Variants in SETD1A observed in about 807,000 individuals in gnomAD.
SETD1A encodes SET domain containing 1A, histone lysine methyltransferase.
In SETD1A, 29 loss-of-function variants were observed where a neutral mutation model predicts 149.9. The observed-to-expected ratio is 0.19, with a 90% CI of 0.14 to 0.26. The LOEUF (loss-of-function observed/expected upper bound fraction) is 0.26, where lower values mean the gene tolerates loss of function less well. Ranked by LOEUF, SETD1A falls within the 10% of genes least tolerant of loss-of-function variation. SETD1A has a pLI of 1.00. For synonymous variants in SETD1A, 1,141 were observed against 968.5 expected (o/e 1.18, Z -3.31); for missense variants, 2,109 against 2,353.1 (o/e 0.90, Z 2.15).
At position 30,983,215 on chromosome 16, in the gene SETD1A, G is replaced by A. The variant is rs1020617409; in HGVS notation, c.4813-420G>A. ...GGCCTGCCATTTGCATTAGCCGGTG[G>A]CAGCCAACAGGTGCCTGTTTTGGAG... is the stretch of plus-strand genomic sequence containing the variant. On this transcript the variant is annotated intron_variant, in intron 17 of 18. Coordinates refer to ENST00000262519, the MANE Select transcript of SETD1A (RefSeq NM_014712.3). The surrounding 1 kb of genome is among the most constrained non-coding windows in gnomAD (Gnocchi z 6.8). 6.6e-6 allele frequency among the ~76,000 whole-genome samples: 1 copy of A among 152,192 alleles called. No homozygotes were observed. Among genetic ancestry groups the A allele is most frequent in the Admixed American group, 6.5e-5 (1 of 15,284 alleles).
chr16:30,965,151 C>T lies in SETD1A; in HGVS notation c.1409C>T (p.Ser470Phe). The change falls in exon 7 of 19, where the codon TCC becomes TTC. Residue 470 changes from serine (S) to phenylalanine (F), a missense_variant. Physicochemically the swap from Ser to Phe is radical, Grantham distance 155 (BLOSUM62 -2). Transcript: ENST00000262519. ...CCAGCCTCCCCTGCCCGCTCTGGCT[C>T]CCCAGCCCCGGAGACCACCAATGAG... The part of the protein sequence containing the change: ...PRPASPARSG[S>F]PAPETTNESV... The T allele has an allele frequency of 6.2e-7, 1 of 1,613,348 alleles. No homozygotes were observed. Among genetic ancestry groups the T allele is most frequent in the Non-Finnish European group, 8.5e-7 (1 of 1,179,972 alleles).
At chr16:30,970,571 T>TG (rs1443947591) in intron 12 of SETD1A, among the ~76,000 whole-genome samples, 1 of 152,136 alleles carries the variant, frequency 6.6e-6, no homozygotes, top group African/African-American at 2.4e-5. Context: ...CGCAGCCTCT[T>TG]GCAGCAGTCT....
chr16:30,963,860 T>C (rs1015823900), intron 5 of SETD1A, among the ~76,000 whole-genome samples: 3 of 151,950 alleles, frequency 2.0e-5, no homozygotes, highest in Admixed American at 1.3e-4. Context: ...GGCATGGTGG[T>C]GGGCGCCTGT....
chr16:30,977,622 G>A (rs72799368), intron 13 of SETD1A, among the ~76,000 whole-genome samples: 24,180 of 152,262 alleles, frequency 0.16, 2,452 homozygotes, highest in Non-Finnish European at 0.23. Context: ...CTGCCCCAGC[G>A]TGGTGGGGAG....
In SETD1A at chr16:30,959,178, A is replaced by G. The variant is rs2056011657; in HGVS notation, c.238A>G (p.Lys80Glu). ...CAGAGACTTTTCCCTCCCAGTCCCT[A>G]AGTTTAAGGTAAGTGTCTGCTGGGC... ...KNRDFSLPVP[K>E]FKLDEFYIGQ... is the part of the protein sequence containing the mutation. Residue 80 changes from lysine to glutamate, a missense_variant, in exon 3 of 19, where the codon AAG (lysine) becomes GAG (glutamate). Physicochemically the swap from Lys to Glu is moderately conservative, Grantham distance 56 (BLOSUM62 1). Transcript: ENST00000262519. 1 of 1,608,036 alleles carries G rather than the reference A, an allele frequency of 6.2e-7. No homozygotes were observed. Among genetic ancestry groups the G allele is most frequent in the Non-Finnish European group, 8.5e-7 (1 of 1,174,648 alleles).
chr16:30,974,764 T>G (rs948363577), intron 13 of SETD1A, among the ~76,000 whole-genome samples: 1 of 151,934 alleles, frequency 6.6e-6, no homozygotes, highest in Admixed American at 6.6e-5. Context: ...CCCAGCACTT[T>G]GGGAGGCTGA....
At position 30,979,338 on chromosome 16, in the gene SETD1A, C is replaced by T. The variant is rs373729550; in HGVS notation, c.3552C>T (p.Ala1184=). ...EVVPAPEPPP[A]TPPQAKFPGP... ...TGCCAGCCCCGGAGCCCCCTCCAGC[C>T]ACACCGCCGCAGGCCAAGTTTCCCG... Residue 1184 remains alanine, a synonymous_variant, in exon 14 of 19, where the codon GCC becomes GCT. Transcript: ENST00000262519. The T allele has an allele frequency of 1.2e-6, 2 of 1,613,114 alleles. No homozygotes were observed. The highest frequency in any genetic ancestry group is 3.3e-5 in the Admixed American group (2 of 59,974).
rs766285805 is a variant in SETD1A at position 30,966,198 on chromosome 16, C to T, written c.2317C>T (p.Pro773Ser). The T allele has an allele frequency of 1.2e-6, 2 of 1,612,930 alleles. No homozygotes were observed. Among genetic ancestry groups the T allele is most frequent in the Non-Finnish European group, 1.7e-6 (2 of 1,179,670 alleles). Residue 773 changes from proline (P) to serine (S), a missense_variant, in exon 8 of 19, where the codon CCC becomes TCC. Coordinates refer to ENST00000262519, the MANE Select transcript of SETD1A (RefSeq NM_014712.3). ...SVSGEEARLPPREEAELAEGK... is the reference protein window; with the variant it reads ...SVSGEEARLPSREEAELAEGK... ...CTCGGGAGAGGAGGCCCGGCTGCCA[C>T]CCAGGGAAGAAGCAGAGCTGGCAGA...
At position 30,984,146 on chromosome 16, in the gene SETD1A, G is replaced by T; in HGVS notation, c.*123G>T. 1 of 976,518 alleles carries T rather than the reference G, an allele frequency of 1.0e-6. No homozygotes were observed. Among genetic ancestry groups the T allele is most frequent in the Non-Finnish European group, 1.5e-6 (1 of 683,800 alleles). 60.5% of individuals were successfully genotyped at this position (976,518 alleles called of 1,614,324 possible). On this transcript the variant is annotated 3_prime_UTR_variant, in exon 19 of 19. Transcript: ENST00000262519. ...TGCCCCCATCTCCAAGCGTGGGGTTGGGGGCCCCAAGCCCAGCGAGGGAGC... is the reference window on the plus strand; with the variant it reads ...TGCCCCCATCTCCAAGCGTGGGGTTTGGGGCCCCAAGCCCAGCGAGGGAGC...
At position 30,965,702 on chromosome 16, in the gene SETD1A, TC is replaced by T; in HGVS notation, c.1826del (p.Pro609LeufsTer52). The T allele has an allele frequency of 4.5e-6, 2 of 444,078 alleles. No homozygotes were observed. Among genetic ancestry groups the T allele is most frequent in the Non-Finnish European group, 6.2e-6 (2 of 323,174 alleles). 27.5% of individuals were successfully genotyped at this position (444,078 alleles called of 1,614,324 possible). On this transcript the variant is annotated frameshift_variant, in exon 8 of 19. Transcript: ENST00000262519. LOFTEE classifies it high-confidence loss of function. The stretch of plus-strand genomic sequence containing the variant: ...CGCCCCCTCAGCAGCCTCCGCCACC[TC>T]CCCCTCCCCCGCCGCCTCCTCCTCC... ...PTPPQQPPPP[P>X]PPPPPPPPYL...
At chr16:30,964,552 G>T in intron 6 of SETD1A, 60 bp from the exon 7 acceptor site, 1 of 1,572,180 alleles carries the variant, frequency 6.4e-7, no homozygotes, top group Non-Finnish European at 8.6e-7. Flanking sequence ...CTGGGACCCA[G>T]TACGCTGTGG....
At position 30,980,296 on chromosome 16, in the gene SETD1A, A is replaced by G; in HGVS notation, c.4408+102A>G. 1.4e-6 allele frequency: 2 copies of G among 1,458,610 alleles called. No homozygotes were observed. Among genetic ancestry groups the G allele is most frequent in the Non-Finnish European group, 1.8e-6 (2 of 1,097,482 alleles). 90.4% of individuals were successfully genotyped at this position (1,458,610 alleles called of 1,614,324 possible). On this transcript the variant is annotated intron_variant, in intron 14 of 18. Transcript: ENST00000262519. The surrounding 1 kb of genome is among the most constrained non-coding windows in gnomAD (Gnocchi z 7.7). ...CTCTGTCTGCCTCCCCTCTGGCTCC[A>G]AGCCATCTTTTCTCTCCTCCTGGTG... is the stretch of plus-strand genomic sequence containing the variant.
Position 30,980,703 on chromosome 16 carries a change from G to C in SETD1A, c.4582-36G>C. The C allele has an allele frequency of 6.2e-7, 1 of 1,611,076 alleles. No individual in the cohort carries two copies. Among genetic ancestry groups the C allele is most frequent in the East Asian group, 2.2e-5 (1 of 44,874 alleles). On this transcript the variant is annotated intron_variant, in intron 15 of 18. Coordinates refer to ENST00000262519, the MANE Select transcript of SETD1A (RefSeq NM_014712.3). This position sits in a 1 kb window ranked among gnomAD's most constrained non-coding sequence, Gnocchi z 7.7. ...GCGTCCTCCTGCCACTCACTTCCCT[G>C]CCCTGCTCACCTCCTCCCTGCCGTG...
At chr16:30,962,344 C>T (rs1160161033) in intron 4 of SETD1A, among the ~76,000 whole-genome samples, 2 of 152,198 alleles carry the variant, frequency 1.3e-5, no homozygotes, top group Non-Finnish European at 2.9e-5. Flanking sequence ...GTATTACAGG[C>T]ATGAGCCACC....
chr16:30,982,510 A>G (rs1163117843), intron 17 of SETD1A, among the ~76,000 whole-genome samples: 3 of 151,896 alleles, frequency 2.0e-5, no homozygotes, highest in Admixed American at 6.6e-5. Context: ...CAAAAAAAAA[A>G]AAAAGAAAAG....
In SETD1A at chr16:30,963,948, C is replaced by T. The variant is rs556455283; in HGVS notation, c.640-146C>T. On this transcript the variant is annotated intron_variant, in intron 5 of 18. Transcript: ENST00000262519. ...CGGAGCTTGCAGTGAGCCGAGATCA[C>T]GCCACTGGACTCCAGCCTGGGCAAT... 420 of 677,098 alleles carry T rather than the reference C, an allele frequency of 6.2e-4. 1 individual carries two copies. In the African/African-American group the frequency reaches 6.6e-3, roughly 11 times the overall value. The allele number at this position is 677,098 out of a possible 1,614,324, so 41.9% of individuals were successfully genotyped here. A position where few individuals can be genotyped will look rare whatever the true frequency, so the allele number is the denominator to read the frequency against.
At position 30,966,207 on chromosome 16, in the gene SETD1A, G is replaced by C. The variant is rs1304369203; in HGVS notation, c.2326G>C (p.Glu776Gln). ...GEEARLPPRE[E>Q]AELAEGKTLP... ...GGAGGCCCGGCTGCCACCCAGGGAA[G>C]AAGCAGAGCTGGCAGAGGGCAAGAC... Residue 776 changes from glutamate (E) to glutamine (Q), a missense_variant, in exon 8 of 19, where the codon GAA becomes CAA. By Grantham distance (29) the Glu-to-Gln change is conservative (BLOSUM62 2). Transcript: ENST00000262519. 6.2e-7 allele frequency: 1 copy of C among 1,613,320 alleles called. No individual in the cohort carries two copies. Among genetic ancestry groups the C allele is most frequent in the Non-Finnish European group, 8.5e-7 (1 of 1,179,836 alleles).
chr16:30,970,124 C>T (rs1230729261), intron 12 of SETD1A, among the ~76,000 whole-genome samples: 1 of 151,804 alleles, frequency 6.6e-6, no homozygotes. Flanking sequence ...CCCACCACCA[C>T]CCCCAGCTAA....
In SETD1A at chr16:30,965,624, C is replaced by T. The variant is rs146323096; in HGVS notation, c.1743C>T (p.Asp581=). 206 of 1,611,868 alleles carry T rather than the reference C, an allele frequency of 1.3e-4. 1 individual carries two copies. In the East Asian group the frequency reaches 2.9e-3, roughly 23 times the overall value. The change falls in exon 8 of 19, where the codon GAC becomes GAT. Residue 581 remains aspartate, a synonymous_variant. Transcript: ENST00000262519. The part of the protein sequence containing the change: ...QNQASPCSSG[D]DMEISDDDRG... ...AGGCTTCTCCATGCTCTTCTGGAGA[C>T]GACATGGAGATCTCCGACGACGACC...
Sources: allele counts gnomAD v4.1 joint callset (sites outside exome capture counted in the v4.1 genomes callset), GRCh38; gene constraint gnomAD v4.1.1; non-coding constraint Gnocchi (gnomAD v3.1); transcripts MANE v1.5; gene names NCBI Gene and HGNC (gene_info 2026-07-23, HGNC 2026-07-21).